ARAP2: variants seen among roughly 807,000 people sequenced by gnomAD.
ARAP2 encodes arf-GAP with Rho-GAP domain, ANK repeat and PH domain-containing protein 2.
A neutral mutation model predicts 194.5 loss-of-function variants in ARAP2; 148 were observed. The ratio of observed to expected loss-of-function variants is 0.76; its 90% CI spans 0.67 to 0.87. The LOEUF (loss-of-function observed/expected upper bound fraction) is 0.87. Ranked by LOEUF, ARAP2 falls within the 40% of genes least tolerant of loss-of-function variation. ARAP2 has a pLI of 0.00. For missense variants in ARAP2, 2,128 were observed against 1,989.7 expected (o/e 1.07, Z -1.32); for synonymous variants, 695 against 683.5 (o/e 1.02, Z -0.26).
At chr4:36,125,624 G>A (rs764702895) in intron 21 of ARAP2, among the ~76,000 whole-genome samples, 6 of 151,920 alleles carry the variant, frequency 3.9e-5, no homozygotes, top group Non-Finnish European at 8.8e-5. Flanking sequence ...AAATTTGTTG[G>A]TTTATGGAGA....
At chr4:36,007,384 T>C (rs1713514881) in intron 9 of ARAP2, among the ~76,000 whole-genome samples, 1 of 151,850 alleles carries the variant, frequency 6.6e-6, no homozygotes, top group Non-Finnish European at 1.5e-5. Flanking sequence ...GAAAAACAAA[T>C]GAAACAGAGA....
chr4:36,179,860 G>A (rs141556725), intron 8 of ARAP2, among the ~76,000 whole-genome samples: 62 of 152,250 alleles, frequency 4.1e-4, no homozygotes, highest in African/African-American at 1.4e-3. Flanking sequence ...CATTGTTCTT[G>A]TTCGCCTTCA....
At chr4:36,048,288 G>A (rs1722135783) in intron 3 of ARAP2, among the ~76,000 whole-genome samples, 2 of 151,964 alleles carry the variant, frequency 1.3e-5, no homozygotes, top group Admixed American at 1.3e-4. Flanking sequence ...TTGTCACATG[G>A]GTGTATTGAA....
chr4:36,229,203 A>T lies in ARAP2; in HGVS notation c.284T>A (p.Val95Asp). The change falls in exon 2 of 33, where the codon GTT becomes GAT. Residue 95 changes from valine (V) to aspartate (D), a missense_variant. Coordinates refer to ENST00000303965, the MANE Select transcript of ARAP2 (RefSeq NM_015230.4). ...KNDDPSKDYH[V>D]PSSDQNICIE... ...GCAGATATTCTGATCAGAAGATGGA[A>T]CATGGTAATCCTTTGAAGGGTCATC... 7 of 1,614,172 alleles carry T rather than the reference A, an allele frequency of 4.3e-6. No homozygotes were observed. The highest frequency in any genetic ancestry group is 2.2e-5 in the South Asian group (2 of 91,084).
At chr4:36,090,676 G>A (rs34344394) in intron 28 of ARAP2, among the ~76,000 whole-genome samples, 9,672 of 152,098 alleles carry the variant, frequency 0.064, 430 homozygotes, top group Middle Eastern at 0.14. Context: ...AACAAATAAC[G>A]CATGTTCTTA....
intron 21 of ARAP2, among the ~76,000 whole-genome samples, chr4:36,125,785 C>T (rs1723750140): frequency 6.6e-6 from 1 of 152,026 alleles, no homozygotes; most frequent in African/African-American, 2.4e-5. Flanking sequence ...GGAAATAGAT[C>T]ATTCTTTAAA....
intron 2 of ARAP2, among the ~76,000 whole-genome samples, chr4:36,220,641 G>T (rs574619083): frequency 6.6e-6 from 1 of 151,946 alleles, no homozygotes; most frequent in East Asian, 1.9e-4. Flanking sequence ...GTTATCATAG[G>T]TGATGACAGC....
chr4:36,128,563 C>T lies in ARAP2; in HGVS notation c.3610G>A (p.Glu1204Lys), dbSNP rs866098005. ...GCAGAGATCCAATATGGGTAGAGCT[C>T]CTTAGTAAGCAGTGCATCATCAATG... ...SDIDDALLTK[E>K]LYPYWISALD... is the part of the protein sequence containing the mutation. The change falls in exon 21 of 33, where the codon GAG becomes AAG. Residue 1204 changes from glutamate (E) to lysine (K), a missense_variant. By Grantham distance (56) the Glu-to-Lys change is moderately conservative. Coordinates refer to ENST00000303965, the MANE Select transcript of ARAP2 (RefSeq NM_015230.4). 1 of 1,612,000 alleles carries T rather than the reference C, an allele frequency of 6.2e-7. No homozygotes were observed. Among genetic ancestry groups the T allele is most frequent in the South Asian group, 1.1e-5 (1 of 91,014 alleles).
At chr4:36,062,194 G>A (rs1724555327), downstream of ARAP2, among the ~76,000 whole-genome samples, 1 of 152,080 alleles carries the variant, frequency 6.6e-6, no homozygotes, top group South Asian at 2.1e-4. Flanking sequence ...CTGTGCTTAT[G>A]GGGATATTAC....
chr4:36,193,987 A>T (rs988315122), intron 6 of ARAP2, among the ~76,000 whole-genome samples: 2 of 152,224 alleles, frequency 1.3e-5, no homozygotes, highest in African/African-American at 4.8e-5. Flanking sequence ...AGATAATATA[A>T]GCTTTCATCC....
chr4:36,096,370 A>C (rs972232163), intron 27 of ARAP2, among the ~76,000 whole-genome samples: 7 of 151,400 alleles, frequency 4.6e-5, no homozygotes, highest in African/African-American at 1.7e-4. Context: ...CTCAAAAAAA[A>C]AAAAAAAAAA....
At chr4:36,081,195 C>A (rs1462768158) in intron 30 of ARAP2, among the ~76,000 whole-genome samples, 1 of 152,088 alleles carries the variant, frequency 6.6e-6, no homozygotes, top group Non-Finnish European at 1.5e-5. Flanking sequence ...TAATTCCGTA[C>A]CCTTGTTTAT....
chr4:36,202,983 A>C (rs1229006407), intron 6 of ARAP2, among the ~76,000 whole-genome samples: 1 of 152,190 alleles, frequency 6.6e-6, no homozygotes, highest in African/African-American at 2.4e-5. Context: ...ATAGATACCA[A>C]GTAACTCTGG....
intron 28 of ARAP2, among the ~76,000 whole-genome samples, chr4:36,085,027 T>C (rs936549049): frequency 2.0e-5 from 3 of 152,064 alleles, no homozygotes; most frequent in Admixed American, 6.6e-5. Flanking sequence ...AAATGTTAAG[T>C]GTGAGCGTGT....
chr4:36,046,792 G>C (rs920030762), exon 4 of ARAP2: 1 of 152,208 alleles, frequency 6.6e-6, no homozygotes, highest in Admixed American at 6.5e-5. Context: ...AGTAGAGCAA[G>C]TTCACCAAGT....
chr4:36,031,059 G>T (rs1392997386), intron 5 of ARAP2, among the ~76,000 whole-genome samples: 2 of 152,274 alleles, frequency 1.3e-5, no homozygotes, highest in African/African-American at 4.8e-5. Context: ...GAACCTGGGA[G>T]GTGGAGGTTG....
intron 3 of ARAP2, among the ~76,000 whole-genome samples, chr4:36,047,730 A>T (rs942975535): frequency 6.6e-6 from 1 of 152,208 alleles, no homozygotes; most frequent in Non-Finnish European, 1.5e-5. Context: ...TAGCAGCAAC[A>T]ACTAATATTT....
intron 19 of ARAP2, among the ~76,000 whole-genome samples, chr4:36,135,078 A>T (rs1189587292): frequency 1.3e-5 from 2 of 151,788 alleles, no homozygotes; most frequent in African/African-American, 4.8e-5. Flanking sequence ...AAGACCTATC[A>T]CTAGATACAA....
chr4:36,208,074 A>G (rs1025078201), intron 6 of ARAP2, among the ~76,000 whole-genome samples: 1 of 152,240 alleles, frequency 6.6e-6, no homozygotes, highest in Non-Finnish European at 1.5e-5. Context: ...CTTGTATGAA[A>G]TAAATAAATC....
Sources: gnomAD v4.1 joint callset for allele counts (sites outside exome capture counted in the v4.1 genomes callset) on GRCh38, gnomAD v4.1.1 for gene constraint, MANE v1.5 for transcripts, NCBI Gene and HGNC (gene_info 2026-07-23, HGNC 2026-07-21) for gene names.